Variants in LINGO1 observed in about 807,000 individuals in gnomAD.
The protein encoded by LINGO1 is leucine-rich repeat and immunoglobulin-like domain-containing nogo receptor-interacting protein 1.
A neutral mutation model predicts 37.3 loss-of-function variants in LINGO1; 11 were observed. That is an observed-to-expected ratio of 0.29 (90% CI 0.19 to 0.49). LINGO1 has a LOEUF of 0.49. LINGO1 is among the 20% of genes least tolerant of loss of function. LINGO1 has a pLI of 0.99. For missense variants in LINGO1, 585 were observed against 878.2 expected, an observed-to-expected ratio of 0.67 and a Z score of 4.22; for synonymous variants, 387 against 403.0, an observed-to-expected ratio of 0.96 and a Z score of 0.48.
intron 3 of LINGO1, among the ~76,000 whole-genome samples, chr15:77,643,524 C>T (rs1395301402): frequency 1.3e-5 from 2 of 152,208 alleles, no homozygotes; most frequent in Non-Finnish European, 2.9e-5. Context: ...GAGCCTCAGG[C>T]CTACAGAGCT....
chr15:77,657,853 C>T (rs1027035291), intron 3 of LINGO1, among the ~76,000 whole-genome samples: 3 of 152,174 alleles, frequency 2.0e-5, no homozygotes, highest in East Asian at 1.9e-4. Flanking sequence ...TACAAAGTTG[C>T]GAGTTAAAAC....
At chr15:77,739,250 T>C (rs1486681992) in intron 1 of LINGO1, among the ~76,000 whole-genome samples, 1 of 152,218 alleles carries the variant, frequency 6.6e-6, no homozygotes, top group Non-Finnish European at 1.5e-5. Context: ...CCTTTCGCCT[T>C]CCATTTTCTT....
intron 3 of LINGO1, among the ~76,000 whole-genome samples, chr15:77,664,025 C>A (rs2075058138): frequency 6.6e-6 from 1 of 152,094 alleles, no homozygotes; most frequent in Non-Finnish European, 1.5e-5. Context: ...GCTGAGCGTG[C>A]AACACCAAGC....
At chr15:77,635,940 G>T (rs2074388425), upstream of LINGO1, among the ~76,000 whole-genome samples, 1 of 152,236 alleles carries the variant, frequency 6.6e-6, no homozygotes, top group South Asian at 2.1e-4. Flanking sequence ...GGAGAAGCTG[G>T]AATGGGTTTG....
At chr15:77,638,908 C>T (rs536336449), upstream of LINGO1, among the ~76,000 whole-genome samples, 37 of 152,250 alleles carry the variant, frequency 2.4e-4, no homozygotes, top group South Asian at 4.1e-4. Context: ...GAACAGAATA[C>T]GGCAGAAGTG....
intron 1 of LINGO1, among the ~76,000 whole-genome samples, chr15:77,810,882 G>A (rs2077000009): frequency 6.6e-6 from 1 of 152,210 alleles, no homozygotes. Flanking sequence ...GAGGAGTCCA[G>A]GCTCGGGCAG....
chr15:77,798,789 T>G (rs2076893876), intron 1 of LINGO1, among the ~76,000 whole-genome samples: 1 of 152,016 alleles, frequency 6.6e-6, no homozygotes. Context: ...TCTCAGCCTG[T>G]GTAGTCTGTG....
chr15:77,741,382 C>T (rs78176057), intron 1 of LINGO1, among the ~76,000 whole-genome samples: 1,932 of 152,336 alleles, frequency 0.013, 52 homozygotes, highest in African/African-American at 0.045. Context: ...CCTGGCCAGT[C>T]TCAGGTTTTC....
chr15:77,734,618 C>A (rs1470295516), intron 2 of LINGO1, among the ~76,000 whole-genome samples: 2 of 151,818 alleles, frequency 1.3e-5, no homozygotes, highest in Non-Finnish European at 2.9e-5. Flanking sequence ...GGGTGGCCCA[C>A]AGCTCTGCTC....
In LINGO1 at chr15:77,613,897, G is replaced by A. The variant is rs562521573; in HGVS notation, c.*147C>T. 7.0e-6 allele frequency: 5 copies of A among 715,056 alleles called. No homozygotes were observed. The highest frequency in any genetic ancestry group is 1.8e-5 in the African/African-American group (1 of 56,074). 44.3% of individuals were successfully genotyped at this position (715,056 alleles called of 1,614,324 possible). On this transcript the variant is annotated 3_prime_UTR_variant, in exon 2 of 2. Transcript: ENST00000355300. Reference sequence around the variant, plus strand: ...AGGGCAGGTGGTGAGGGCTGGCGGGGGGCAGCAGGGGACGGAGGCGGGAGG... The same window carrying A: ...AGGGCAGGTGGTGAGGGCTGGCGGGAGGCAGCAGGGGACGGAGGCGGGAGG...
intron 3 of LINGO1, among the ~76,000 whole-genome samples, chr15:77,669,763 G>T (rs752860220): frequency 3.9e-4 from 60 of 152,218 alleles, no homozygotes; most frequent in Non-Finnish European, 8.1e-4. Flanking sequence ...CAAAGATAAT[G>T]CAACAGCGAG....
chr15:77,627,814 A>C (rs1345069999), intron 1 of LINGO1, among the ~76,000 whole-genome samples: 1 of 152,076 alleles, frequency 6.6e-6, no homozygotes, highest in Non-Finnish European at 1.5e-5. Flanking sequence ...TTGCTTGGGG[A>C]GTCCTCCCTG....
chr15:77,715,309 G>C (rs1596147306), intron 2 of LINGO1, among the ~76,000 whole-genome samples: 1 of 152,222 alleles, frequency 6.6e-6, no homozygotes, highest in African/African-American at 2.4e-5. Context: ...GCCTAGGAGG[G>C]GTCTGAGGAG....
chr15:77,709,631 C>G (rs2075894085), intron 2 of LINGO1, among the ~76,000 whole-genome samples: 2 of 152,356 alleles, frequency 1.3e-5, no homozygotes, highest in Non-Finnish European at 2.9e-5. Context: ...CCGGCTGTTC[C>G]AGACTGAAAG....
At chr15:77,795,345 G>C (rs943995612) in intron 2 of LINGO1, among the ~76,000 whole-genome samples, 5 of 152,110 alleles carry the variant, frequency 3.3e-5, no homozygotes, top group East Asian at 1.9e-4. Context: ...CCACATTCTG[G>C]GGGTCCTGCT....
chr15:77,627,627 G>A (rs2074134333), intron 1 of LINGO1, among the ~76,000 whole-genome samples: 1 of 152,230 alleles, frequency 6.6e-6, no homozygotes, highest in Non-Finnish European at 1.5e-5. Context: ...GGGGGGCTGT[G>A]CAGGAGGAGG....
chr15:77,711,217 T>G (rs1209014462), intron 2 of LINGO1, among the ~76,000 whole-genome samples: 1 of 152,262 alleles, frequency 6.6e-6, no homozygotes, highest in Non-Finnish European at 1.5e-5. Context: ...CCCAAATCCC[T>G]GTTTCCTTGA....
chr15:77,675,287 C>G (rs1159785779), intron 3 of LINGO1, among the ~76,000 whole-genome samples: 1 of 152,100 alleles, frequency 6.6e-6, no homozygotes, highest in Non-Finnish European at 1.5e-5. Flanking sequence ...AGAAACATTC[C>G]CAAAAGAACT....
upstream of LINGO1, among the ~76,000 whole-genome samples, chr15:77,638,002 A>G (rs2074428311): frequency 2.6e-5 from 4 of 152,362 alleles, no homozygotes; most frequent in South Asian, 6.2e-4. Flanking sequence ...CATGCCTCCA[A>G]GGAAATGTTT....
Sources: allele counts gnomAD v4.1 joint callset (sites outside exome capture counted in the v4.1 genomes callset), GRCh38; gene constraint gnomAD v4.1.1; transcripts MANE v1.5; gene names NCBI Gene and HGNC (gene_info 2026-07-23, HGNC 2026-07-21).